Variants in OSBPL5 observed in about 807,000 individuals in gnomAD.
OSBPL5 encodes the protein oxysterol binding protein like 5.
OSBPL5 carries 71 observed loss-of-function variants against 111.2 expected under a neutral mutation model. The observed-to-expected ratio is 0.64, with a 90% CI of 0.53 to 0.78. OSBPL5 has a LOEUF of 0.78. OSBPL5 is among the 30% of genes least tolerant of loss of function. The pLI is 0.00. For synonymous variants in OSBPL5, 549 were observed against 513.9 expected (o/e 1.07, Z -0.93); for missense variants, 1,210 against 1,189.3 (o/e 1.02, Z -0.26).
At chr11:3,120,230 G>A (rs556266162) in intron 6 of OSBPL5, among the ~76,000 whole-genome samples, 191 bp downstream of exon 6, 1 of 152,296 alleles carries the variant, frequency 6.6e-6, no homozygotes, top group South Asian at 2.1e-4. Context: ...AGCCTACTGT[G>A]TGCTTCACAT....
chr11:3,115,652 A>C (rs1590671762), intron 7 of OSBPL5, among the ~76,000 whole-genome samples: 1 of 152,250 alleles, frequency 6.6e-6, no homozygotes, highest in East Asian at 1.9e-4. Context: ...CTGATGCAAG[A>C]CTAGCATATG....
chr11:3,127,952 TG>T (rs1564847329), intron 2 of OSBPL5, among the ~76,000 whole-genome samples: 1 of 152,202 alleles, frequency 6.6e-6, no homozygotes, highest in African/African-American at 2.4e-5. Context: ...CCTCTGAAAC[TG>T]ACCAGCAGCT....
chr11:3,123,338 C>G (rs1858490300), intron 3 of OSBPL5, among the ~76,000 whole-genome samples: 1 of 152,122 alleles, frequency 6.6e-6, no homozygotes, highest in African/African-American at 2.4e-5. Flanking sequence ...GAACAGCTTC[C>G]ACAGTTTTAA....
At chr11:3,122,227 T>G (rs1858444541) in intron 4 of OSBPL5, 121 bp downstream of exon 4, 2 of 1,324,702 alleles carry the variant, frequency 1.5e-6, no homozygotes, top group Non-Finnish European at 2.1e-6. Flanking sequence ...GTAGGGGGTG[T>G]GGAGGCGACC....
At chr11:3,155,020 C>G (rs943411366) in intron 1 of OSBPL5, among the ~76,000 whole-genome samples, 6 of 152,194 alleles carry the variant, frequency 3.9e-5, no homozygotes, top group African/African-American at 7.2e-5. Context: ...GATGAGGACA[C>G]AGGCACACAG....
Position 3,098,495 on chromosome 11 carries a change from A to ATTTTTTTTTTTTTTT in OSBPL5, c.1621+1648_1621+1662dup, listed in dbSNP as rs552382553. Among the ~76,000 whole-genome samples the ATTTTTTTTTTTTTTT allele has an allele frequency of 1.6e-4, 13 of 81,192 alleles. 1 individual carries two copies. The highest frequency in any genetic ancestry group is 5.0e-4 in the South Asian group (1 of 2,010). The allele number at this position is 81,192 out of a possible 152,430, so 53.3% of individuals were successfully genotyped here. ...TCAAGCCATAAAAAGACATGAAGGA[A>ATTTTTTTTTTTTTTT]TTTTTTTTTTTTTTTTTTTTTTTTT... On this transcript the variant is annotated intron_variant, in intron 14 of 21. Coordinates refer to ENST00000263650, the MANE Select transcript of OSBPL5 (RefSeq NM_020896.4).
chr11:3,103,878 C>G (rs879852609), intron 10 of OSBPL5, among the ~76,000 whole-genome samples: 1,853 of 16,620 alleles, frequency 0.11, 88 homozygotes, highest in Non-Finnish European at 0.15. Context: ...CTTCCTGCCT[C>G]TGTAGCCCCA....
chr11:3,118,321 G>T (rs183066287), intron 7 of OSBPL5, among the ~76,000 whole-genome samples: 1 of 152,288 alleles, frequency 6.6e-6, no homozygotes. Context: ...CTTTGGAGAG[G>T]CTCATCAGAA....
Position 3,129,161 on chromosome 11 carries a change from C to T in OSBPL5, c.-13G>A, listed in dbSNP as rs2277300. On this transcript the variant is annotated 5_prime_UTR_variant, in exon 2 of 22. Transcript: ENST00000263650. ...CCTCCTCCTTCATGCTGTGGGCGCT[C>T]GGGGGCTTCTGGAAGGAAGGAAGGA... is the stretch of plus-strand genomic sequence containing the variant. The T allele has an allele frequency of 0.12, 170,783 of 1,402,972 alleles. 10,840 individuals carry two copies. Among genetic ancestry groups the T allele is most frequent in the South Asian group, 0.13 (8,581 of 63,694 alleles). 86.9% of individuals were successfully genotyped at this position (1,402,972 alleles called of 1,614,324 possible). A position where few individuals can be genotyped will look rare whatever the true frequency, so the allele number is the denominator to read the frequency against.
chr11:3,112,366 G>T (rs957577396), intron 7 of OSBPL5, among the ~76,000 whole-genome samples: 1 of 152,074 alleles, frequency 6.6e-6, no homozygotes, highest in Non-Finnish European at 1.5e-5. Flanking sequence ...ACTCCCCTTG[G>T]GGGAGAAACT....
At position 3,123,125 on chromosome 11, in the gene OSBPL5, G is replaced by A. The variant is rs1858482070; in HGVS notation, c.220-697C>T. 2.6e-5 allele frequency among the ~76,000 whole-genome samples: 4 copies of A among 152,192 alleles called. No individual in the cohort carries two copies. In the South Asian group the frequency reaches 8.3e-4, roughly 32 times the overall value. On this transcript the variant is annotated intron_variant, in intron 3 of 21. Transcript: ENST00000263650. ...CCAGGTCCGAACCTGACCCCAGCAT[G>A]TGGCTGACTGCACGGGCCCAGGGCG... is the stretch of plus-strand genomic sequence containing the variant.
intron 21 of OSBPL5, among the ~76,000 whole-genome samples, chr11:3,088,684 A>C (rs1022815170): frequency 6.6e-6 from 1 of 152,096 alleles, no homozygotes; most frequent in Non-Finnish European, 1.5e-5. Flanking sequence ...AACCCCTTGC[A>C]CCTTAGATAA....
intron 2 of OSBPL5, among the ~76,000 whole-genome samples, chr11:3,127,231 C>T (rs559192126): frequency 6.6e-6 from 1 of 152,354 alleles, no homozygotes; most frequent in Admixed American, 6.5e-5. Context: ...CCGCTGCTTC[C>T]TGTGGCTGGT....
intron 10 of OSBPL5, among the ~76,000 whole-genome samples, chr11:3,103,788 C>CTCTTCCAGCTCTGCAGCCCCA (rs1857569327): frequency 4.9e-5 from 3 of 61,356 alleles, no homozygotes; most frequent in South Asian, 1.2e-3. Context: ...TCTGCAGTCC[C>CTCTTCCAGCTCTGCAGCCCCA]TTCCTGCCTC....
At chr11:3,163,150 C>T (rs371982566) in intron 1 of OSBPL5, among the ~76,000 whole-genome samples, 6 of 152,220 alleles carry the variant, frequency 3.9e-5, no homozygotes, top group Non-Finnish European at 8.8e-5. Context: ...CCGGGAGAAC[C>T]CTGAGCTGGG....
intron 1 of OSBPL5, among the ~76,000 whole-genome samples, chr11:3,158,823 G>T (rs142219585): frequency 1.3e-5 from 2 of 152,236 alleles, no homozygotes; most frequent in Non-Finnish European, 2.9e-5. Flanking sequence ...GGAGCAGATG[G>T]ACAGAAGCCC....
In OSBPL5 at chr11:3,103,324, C is replaced by A; in HGVS notation, c.1245-4G>T. ...GGCATCCTCCTCCACCGCAGCCCTG[C>A]CATGGGGCAGGAGAACGCTGACCCC... On this transcript the variant is annotated splice_polypyrimidine_tract_variant and splice_region_variant and intron_variant, in intron 10 of 21. Coordinates refer to ENST00000263650, the MANE Select transcript of OSBPL5 (RefSeq NM_020896.4). The A allele has an allele frequency of 6.2e-7, 1 of 1,602,648 alleles. No homozygotes were observed. The highest frequency in any genetic ancestry group is 8.5e-7 in the Non-Finnish European group (1 of 1,174,278).
At chr11:3,103,739 T>C (rs1857551792) in intron 10 of OSBPL5, among the ~76,000 whole-genome samples, 1 of 47,848 alleles carries the variant, frequency 2.1e-5, no homozygotes, top group Non-Finnish European at 4.9e-5. Flanking sequence ...CCTTCCTGCC[T>C]CTGCAACCCT....
At position 3,162,875 on chromosome 11, in the gene OSBPL5, T is replaced by A. The variant is rs1847007437; in HGVS notation, c.-22+2341A>T. 6.6e-6 allele frequency among the ~76,000 whole-genome samples: 1 copy of A among 152,116 alleles called. No homozygotes were observed. The highest frequency in any genetic ancestry group is 6.5e-5 in the Admixed American group (1 of 15,280). On this transcript the variant is annotated intron_variant, in intron 1 of 21. Coordinates refer to ENST00000263650, the MANE Select transcript of OSBPL5 (RefSeq NM_020896.4). The surrounding 1 kb of genome is among the most constrained non-coding windows in gnomAD (Gnocchi z 8.1). Reference sequence around the variant, plus strand: ...ATGCCTGTCCCTGTCGGGAGGCCAGTGGCCCTCACTTGTACCCCCCAACAT... The same window carrying A: ...ATGCCTGTCCCTGTCGGGAGGCCAGAGGCCCTCACTTGTACCCCCCAACAT...
Sources: gnomAD v4.1 joint callset for allele counts (sites outside exome capture counted in the v4.1 genomes callset) on GRCh38, gnomAD v4.1.1 for gene constraint, Gnocchi (gnomAD v3.1) non-coding constraint, MANE v1.5 for transcripts, NCBI Gene and HGNC (gene_info 2026-07-23, HGNC 2026-07-21) for gene names.